NBPF19: variants seen among roughly 807,000 people sequenced by gnomAD.
NBPF19 encodes NBPF member 19.
A neutral mutation model predicts 45.9 loss-of-function variants in NBPF19; 30 were observed. That is an observed-to-expected ratio of 0.65 (90% CI 0.49 to 0.89). The LOEUF (loss-of-function observed/expected upper bound fraction) is 0.89, where lower values mean the gene tolerates loss of function less well. NBPF19 is among the 40% of genes least tolerant of loss of function. The pLI, the probability that NBPF19 is intolerant of heterozygous loss-of-function variation, is 0.00. For synonymous variants in NBPF19, 183 were observed against 181.2 expected, an observed-to-expected ratio of 1.01 and a Z score of -0.08; for missense variants, 495 against 471.8, an observed-to-expected ratio of 1.05 and a Z score of -0.46.
At chr1:149,514,697 G>C (rs1270455560) in intron 43 of NBPF19, among the ~76,000 whole-genome samples, 219 of 65,384 alleles carry the variant, frequency 3.3e-3, no homozygotes, top group Admixed American at 5.0e-3. Context: ...CTCTCTCTGT[G>C]TGTGTGTGTG....
rs1414958392 is a variant in NBPF19, at chr1:149,478,065, G to A, written c.278+18G>A. On this transcript the variant is annotated intron_variant, in intron 3 of 93. Transcript: ENST00000651566. ...GAGCTCAGGTGAGGGGACCCCGTGG[G>A]GGGAGGGCAGGCGGGTAGGTGTGTA... The A allele has an allele frequency of 8.3e-6, 13 of 1,568,396 alleles. 1 individual carries two copies. Among genetic ancestry groups the A allele is most frequent in the African/African-American group, 4.1e-5 (3 of 74,000 alleles).
Position 149,477,931 on chromosome 1 carries a change from C to T in NBPF19, c.176-14C>T. The T allele has an allele frequency of 1.6e-6, 2 of 1,261,830 alleles. No individual in the cohort carries two copies. The highest frequency in any genetic ancestry group is 2.3e-6 in the Non-Finnish European group (2 of 869,706). The allele number at this position is 1,261,830 out of a possible 1,614,324, so 78.2% of individuals were successfully genotyped here. A position where few individuals can be genotyped will look rare whatever the true frequency, so the allele number is the denominator to read the frequency against. The stretch of plus-strand genomic sequence containing the variant: ...CAGCCTTCCACTGAGGCAGGCGTGT[C>T]TGTCTTTTCTCAGAGTATGAAGAGT... On this transcript the variant is annotated splice_polypyrimidine_tract_variant and intron_variant, in intron 2 of 93. Coordinates refer to ENST00000651566, the MANE Select transcript of NBPF19 (RefSeq NM_001351365.2).
Position 149,488,524 on chromosome 1 carries a change from G to A in NBPF19, c.1213+339G>A, listed in dbSNP as rs1457690336. Among the ~76,000 whole-genome samples the A allele has an allele frequency of 3.5e-3, 353 of 99,512 alleles. 10 individuals are homozygous for A. The highest frequency in any genetic ancestry group is 0.011 in the Middle Eastern group (2 of 188). The allele number at this position is 99,512 out of a possible 152,430, so 65.3% of individuals were successfully genotyped here. ...TTTCATCCTTCACTCTAATTTCAGC[G>A]TCTAAAATCCTCGCTACCATGAACA... On this transcript the variant is annotated intron_variant, in intron 10 of 93. Coordinates refer to ENST00000651566, the MANE Select transcript of NBPF19 (RefSeq NM_001351365.2).
intron 4 of NBPF19, among the ~76,000 whole-genome samples, chr1:149,479,474 A>G (rs1300272671): frequency 6.6e-6 from 1 of 150,592 alleles, no homozygotes; most frequent in Admixed American, 6.6e-5. Flanking sequence ...TGAGTGATTT[A>G]TCTTTTCAGA....
chr1:149,487,829 C>T (rs1356633184), intron 9 of NBPF19, among the ~76,000 whole-genome samples, 184 bp from the exon 10 acceptor site: 1 of 138,160 alleles, frequency 7.2e-6, no homozygotes, highest in Non-Finnish European at 1.6e-5. Context: ...GTGTGTCTTT[C>T]TCGTTCATCC....
intron 13 of NBPF19, among the ~76,000 whole-genome samples, chr1:149,490,921 CGTGTGTGTGT>C (rs1159751982): frequency 7.9e-6 from 1 of 126,030 alleles, no homozygotes; most frequent in Non-Finnish European, 1.7e-5. Context: ...TGTGTGTGTG[CGTGTGTGTGT>C]GTGTGTGTGT....
chr1:149,490,896 CTCTG>C (rs1294155839), intron 13 of NBPF19, among the ~76,000 whole-genome samples: 2 of 128,798 alleles, frequency 1.6e-5, no homozygotes, highest in Non-Finnish European at 3.3e-5. Context: ...CTCTCTCTCT[CTCTG>C]TGTGTGTGTG....
Position 149,494,368 on chromosome 1 carries a change from CACTG to C in NBPF19, c.2049_2052del (p.Leu684IlefsTer16). 3.1e-6 allele frequency: 1 copy of C among 326,554 alleles called. No individual in the cohort carries two copies. Among genetic ancestry groups the C allele is most frequent in the Non-Finnish European group, 5.2e-6 (1 of 193,968 alleles). The allele number at this position is 326,554 out of a possible 1,614,324, so 20.2% of individuals were successfully genotyped here. ...AAAGAGCCTGAAGTCTTGCAGGACT[CACTG>C]GATAGATGTTATTCGATTCCTTCAG... On this transcript the variant is annotated frameshift_variant, in exon 18 of 94. Transcript: ENST00000651566. LOFTEE classifies it high-confidence loss of function.
At chr1:149,488,332 G>T in intron 10 of NBPF19, 147 bp downstream of exon 10, 1 of 633,938 alleles carries the variant, frequency 1.6e-6, no homozygotes, top group Non-Finnish European at 2.8e-6. Flanking sequence ...TGAAACTCTA[G>T]TTCCACTTGG....
intron 4 of NBPF19, among the ~76,000 whole-genome samples, chr1:149,479,853 G>A (rs2085068226): frequency 6.6e-6 from 1 of 150,694 alleles, no homozygotes; most frequent in Non-Finnish European, 1.5e-5. Context: ...GGATGGGGGA[G>A]ACAGCTGCCA....
At chr1:149,554,434 G>T (rs1175234723) in intron 93 of NBPF19, 61 bp from the exon 94 acceptor site, 25 of 1,607,438 alleles carry the variant, frequency 1.6e-5, no homozygotes, top group East Asian at 8.9e-5. Context: ...CTGAAATCTA[G>T]TGGGGCTCTG....
rs2087213626 is a variant in NBPF19, at chr1:149,555,013, G to A, written c.*275G>A. 5.4e-6 allele frequency: 3 copies of A among 557,444 alleles called. No homozygotes were observed. The highest frequency in any genetic ancestry group is 3.5e-5 in the Admixed American group (1 of 28,952). The allele number at this position is 557,444 out of a possible 1,614,324, so 34.5% of individuals were successfully genotyped here. A position where few individuals can be genotyped will look rare whatever the true frequency, so the allele number is the denominator to read the frequency against. On this transcript the variant is annotated 3_prime_UTR_variant, in exon 94 of 94. Transcript: ENST00000651566. ...AATTTGAACCACGTATCTTTGGGTA[G>A]CTACAAAATTCCTCAGGGATTTCAT...
chr1:149,521,046 G>A (rs2086702663), intron 51 of NBPF19, among the ~76,000 whole-genome samples: 1 of 64,576 alleles, frequency 1.5e-5, no homozygotes, highest in African/African-American at 6.3e-5. Flanking sequence ...TATGTCACCT[G>A]GCCAATTCAC....
chr1:149,487,306 G>C (rs1444508399), intron 8 of NBPF19, 26 bp from the exon 9 acceptor site: 3 of 1,542,450 alleles, frequency 1.9e-6, no homozygotes, highest in South Asian at 2.2e-5. Context: ...CTTAATGTAA[G>C]AGGGCCCATC....
chr1:149,479,268 TG>T (rs1482603595), intron 4 of NBPF19, among the ~76,000 whole-genome samples, 174 bp downstream of exon 4: 8 of 149,080 alleles, frequency 5.4e-5, no homozygotes, highest in Non-Finnish European at 9.0e-5. Context: ...CCCATGGGTT[TG>T]GAGGTCACAG....
chr1:149,491,010 G>A (rs2085845065), intron 13 of NBPF19, 129 bp from the exon 14 acceptor site: 2 of 473,936 alleles, frequency 4.2e-6, no homozygotes, highest in East Asian at 4.6e-5. Flanking sequence ...GCAATAATTT[G>A]TTACCTCATT....
At chr1:149,521,149 C>T (rs1352936065) in intron 51 of NBPF19, among the ~76,000 whole-genome samples, 170 bp from the exon 52 acceptor site, 5 of 79,118 alleles carry the variant, frequency 6.3e-5, no homozygotes, top group African/African-American at 2.5e-4. Context: ...TCATTGTTTT[C>T]TACCTGGCCC....
intron 43 of NBPF19, among the ~76,000 whole-genome samples, chr1:149,514,714 T>C (rs1490489931): frequency 1.2e-3 from 95 of 77,166 alleles, no homozygotes; most frequent in East Asian, 4.3e-3. Context: ...TGTGTGTGTG[T>C]GTGTGTGTGT....
intron 16 of NBPF19, 42 bp from the exon 17 acceptor site, chr1:149,493,618 G>C: frequency 5.9e-6 from 1 of 170,496 alleles, no homozygotes; most frequent in Non-Finnish European, 1.0e-5. Flanking sequence ...GTGTGTAGGA[G>C]AACCAGCTTC....
Sources: allele counts gnomAD v4.1 joint callset (sites outside exome capture counted in the v4.1 genomes callset), GRCh38; gene constraint gnomAD v4.1.1; transcripts MANE v1.5; gene names NCBI Gene and HGNC (gene_info 2026-07-23, HGNC 2026-07-21).